Variants in ADCY3 observed in about 807,000 individuals in gnomAD.
The protein encoded by ADCY3 is adenylate cyclase 3, also known as adenylate cyclase type 3.
ADCY3 carries 70 observed loss-of-function variants against 119.4 expected under a neutral mutation model. The observed-to-expected ratio is 0.59, with a 90% CI of 0.48 to 0.72. ADCY3 has a LOEUF of 0.72. ADCY3 is among the 30% of genes least tolerant of loss of function. The probability of loss-of-function intolerance (pLI) is 0.00; values close to 1 mark genes in which losing one functional copy is unlikely to be tolerated. For missense variants in ADCY3, 1,238 were observed against 1,541.6 expected, an observed-to-expected ratio of 0.80 and a Z score of 3.30; for synonymous variants, 672 against 621.4, an observed-to-expected ratio of 1.08 and a Z score of -1.21.
intron 2 of ADCY3, among the ~76,000 whole-genome samples, chr2:24,880,583 C>T (rs1676267566): frequency 6.6e-6 from 1 of 152,212 alleles, no homozygotes. Flanking sequence ...CAAATGTAAG[C>T]ATATCAGAGC....
chr2:24,887,632 C>A (rs1250636804), intron 2 of ADCY3, among the ~76,000 whole-genome samples: 1 of 152,060 alleles, frequency 6.6e-6, no homozygotes, highest in Non-Finnish European at 1.5e-5. Context: ...CCACTCCCCC[C>A]CGACACACAC....
At chr2:24,857,991 A>ATTTTTTTTTTTTTT (rs56672595) in intron 3 of ADCY3, among the ~76,000 whole-genome samples, 23 of 122,394 alleles carry the variant, frequency 1.9e-4, no homozygotes, top group African/African-American at 7.8e-4. Flanking sequence ...TGTGGTCTGA[A>ATTTTTTTTTTTTTT]TTTTTTTTTT....
chr2:24,908,055 C>T (rs566878084), intron 2 of ADCY3, among the ~76,000 whole-genome samples: 5 of 152,020 alleles, frequency 3.3e-5, no homozygotes, highest in Admixed American at 2.6e-4. Flanking sequence ...AGCGTGATGG[C>T]TCACGCCTGT....
intron 14 of ADCY3, 72 bp from the exon 15 acceptor site, chr2:24,827,680 G>A (rs1199868821): frequency 8.7e-6 from 13 of 1,499,738 alleles, no homozygotes; most frequent in Non-Finnish European, 1.2e-5. Flanking sequence ...AGGCACCGGG[G>A]TATCCCAAGT....
chr2:24,900,979 C>T (rs574559682), intron 2 of ADCY3, among the ~76,000 whole-genome samples: 3 of 152,126 alleles, frequency 2.0e-5, no homozygotes, highest in African/African-American at 7.2e-5. Flanking sequence ...GCAGGAGAAT[C>T]GCTTGAACTC....
Position 24,897,138 on chromosome 2 carries a change from T to C in ADCY3, c.675+21175A>G, listed in dbSNP as rs116579979. Among the ~76,000 whole-genome samples the C allele has an allele frequency of 1.1e-3, 175 of 152,212 alleles. 1 individual carries two copies. The highest frequency in any genetic ancestry group is 3.9e-3 in the African/African-American group (162 of 41,542). ...AGAAAGAGACCAGCCACCCACCCTC[T>C]TTCAACCATATCCCTCTTGCCTACC... On this transcript the variant is annotated intron_variant, in intron 2 of 21. Coordinates refer to ENST00000679454, the MANE Select transcript of ADCY3 (RefSeq NM_004036.5).
intron 2 of ADCY3, among the ~76,000 whole-genome samples, chr2:24,907,651 G>A (rs778595974): frequency 3.3e-5 from 5 of 152,130 alleles, no homozygotes; most frequent in Non-Finnish European, 5.9e-5. Context: ...CTGCTGAAAC[G>A]ACAGCAAGTA....
In ADCY3 at chr2:24,887,137, C is replaced by T. The variant is rs185544493; in HGVS notation, c.676-14418G>A. 8.5e-5 allele frequency among the ~76,000 whole-genome samples: 13 copies of T among 152,242 alleles called. No homozygotes were observed. The East Asian group carries it at 2.3e-3, about 27-fold the overall frequency. On this transcript the variant is annotated intron_variant, in intron 2 of 21. Transcript: ENST00000679454. ...GGCCTCAGGAAATTTACAATCATGG[C>T]GAAAGGGTCACAAAACACCTCCTTC...
Position 24,899,402 on chromosome 2 carries a change from C to T in ADCY3, c.675+18911G>A, listed in dbSNP as rs532421853. ...CTGTCTAAGAGCGGGACCTCACTCT[C>T]GGCTGGAATGCTGCTGTCACCCCAG... On this transcript the variant is annotated intron_variant, in intron 2 of 21. Transcript: ENST00000679454. The surrounding 1 kb of genome is among the most constrained non-coding windows in gnomAD (Gnocchi z 4.5). Among the ~76,000 whole-genome samples the T allele has an allele frequency of 2.0e-5, 3 of 152,336 alleles. No individual in the cohort carries two copies. Among genetic ancestry groups the T allele is most frequent in the African/African-American group, 7.2e-5 (3 of 41,578 alleles).
At chr2:24,909,156 A>G (rs1011008101) in intron 2 of ADCY3, among the ~76,000 whole-genome samples, 1 of 151,926 alleles carries the variant, frequency 6.6e-6, no homozygotes, top group African/African-American at 2.4e-5. Flanking sequence ...CTCAAACCAA[A>G]CTCATCTTCT....
chr2:24,823,377 G>A (rs1403293089), intron 17 of ADCY3, 22 bp from the exon 18 acceptor site: 9 of 1,608,734 alleles, frequency 5.6e-6, no homozygotes, highest in Admixed American at 1.7e-5. Context: ...TGCGGACAAC[G>A]TGCTCAAAGC....
chr2:24,834,628 G>A lies in ADCY3; in HGVS notation c.1824C>T (p.Thr608=), dbSNP rs910761786. The change falls in exon 11 of 22, where the codon ACC becomes ACT. Residue 608 remains threonine (T), a synonymous_variant. Coordinates refer to ENST00000679454, the MANE Select transcript of ADCY3 (RefSeq NM_004036.5). This position sits in a 1 kb window ranked among gnomAD's most constrained non-coding sequence, Gnocchi z 4.2. ...CCATGAACCGCATGGACAAGAGGAA[G>A]GTGTTTCTCTTCTTTACTCTGCAGT... ...ESAQVVKKRN[T]FLLSMRFMDP... The A allele has an allele frequency of 6.2e-7, 1 of 1,614,160 alleles. No homozygotes were observed. The highest frequency in any genetic ancestry group is 2.2e-5 in the East Asian group (1 of 44,888).
At chr2:24,860,259 C>T (rs947680464) in intron 3 of ADCY3, among the ~76,000 whole-genome samples, 3 of 152,218 alleles carry the variant, frequency 2.0e-5, no homozygotes, top group South Asian at 2.1e-4. Context: ...AGGTCCCCAA[C>T]TAACCCCTGA....
intron 3 of ADCY3, among the ~76,000 whole-genome samples, chr2:24,856,103 T>C (rs573924056): frequency 6.6e-6 from 1 of 152,182 alleles, no homozygotes; most frequent in Non-Finnish European, 1.5e-5. Context: ...TTCTACAACA[T>C]CCTTGTAAGA....
chr2:24,902,511 G>A (rs1302911469), intron 2 of ADCY3, among the ~76,000 whole-genome samples: 3 of 151,940 alleles, frequency 2.0e-5, no homozygotes, highest in African/African-American at 7.3e-5. Flanking sequence ...TTCTCTCCCA[G>A]CCCCGTGGAG....
chr2:24,827,724 T>A, intron 14 of ADCY3, 116 bp from the exon 15 acceptor site: 1 of 1,425,212 alleles, frequency 7.0e-7, no homozygotes, highest in Non-Finnish European at 9.7e-7. Flanking sequence ...GAATCTATTC[T>A]CAGGTCCTAG....
At chr2:24,838,674 C>T (rs766048308) in intron 7 of ADCY3, 52 bp from the exon 8 acceptor site, 1 of 1,607,190 alleles carries the variant, frequency 6.2e-7, no homozygotes, top group Non-Finnish European at 8.5e-7. Context: ...GGCCCTCACA[C>T]CCCCAGGGGA....
intron 19 of ADCY3, 36 bp from the exon 20 acceptor site, chr2:24,821,676 C>T (rs1427465078): frequency 9.3e-6 from 15 of 1,609,638 alleles, no homozygotes; most frequent in Middle Eastern, 1.7e-4. Context: ...TGTCAGGGGC[C>T]GCTCACTGCA....
At position 24,842,037 on chromosome 2, in the gene ADCY3, T is replaced by C. The variant is rs1298599192; in HGVS notation, c.956+217A>G. On this transcript the variant is annotated intron_variant, in intron 4 of 21. Coordinates refer to ENST00000679454, the MANE Select transcript of ADCY3 (RefSeq NM_004036.5). This position sits in a 1 kb window ranked among gnomAD's most constrained non-coding sequence, Gnocchi z 4.9. Reference sequence around the variant, plus strand: ...AGTCCCTTCCCCGCTCCAGGTGATATCTGTTCTATGATGGGGTTGGACCAA... The same window carrying C: ...AGTCCCTTCCCCGCTCCAGGTGATACCTGTTCTATGATGGGGTTGGACCAA... 6.6e-6 allele frequency among the ~76,000 whole-genome samples: 1 copy of C among 152,156 alleles called. No homozygotes were observed. Among genetic ancestry groups the C allele is most frequent in the Non-Finnish European group, 1.5e-5 (1 of 68,026 alleles).
Sources: allele counts gnomAD v4.1 joint callset (sites outside exome capture counted in the v4.1 genomes callset), GRCh38; gene constraint gnomAD v4.1.1; non-coding constraint Gnocchi (gnomAD v3.1); transcripts MANE v1.5; gene names NCBI Gene and HGNC (gene_info 2026-07-23, HGNC 2026-07-21).